The following PRKN variants were observed in gnomAD, a reference collection of about 807,000 sequenced individuals.
PRKN encodes the protein parkin RBR E3 ubiquitin protein ligase, also known as E3 ubiquitin-protein ligase parkin.
Under a neutral mutation model 59.5 loss-of-function variants are expected in PRKN, and 56 were observed. The ratio of observed to expected loss-of-function variants is 0.94; its 90% CI spans 0.76 to 1.18. The LOEUF is 1.18. Ranked by LOEUF, PRKN falls within the 50% of genes most tolerant of loss-of-function variation. The pLI, the probability that PRKN is intolerant of heterozygous loss-of-function variation, is 0.00. For missense variants in PRKN, 657 were observed against 596.4 expected, an observed-to-expected ratio of 1.10 and a Z score of -1.06; for synonymous variants, 250 against 222.1, an observed-to-expected ratio of 1.13 and a Z score of -1.12.
rs190384788 is a variant in PRKN, at chr6:162,114,840, A to G, written c.535-60666T>C. Among the ~76,000 whole-genome samples the G allele has an allele frequency of 4.1e-4, 62 of 152,170 alleles. 3 individuals are homozygous for G. The highest frequency in any genetic ancestry group is 1.5e-3 in the African/African-American group (61 of 41,460). ...GAACGGCAATCATTAAAAAGTCAAGAAACAACAGGTGCTGGAGAGGATGTG... is the reference window on the plus strand; with the variant it reads ...GAACGGCAATCATTAAAAAGTCAAGGAACAACAGGTGCTGGAGAGGATGTG... On this transcript the variant is annotated intron_variant, in intron 4 of 11. Transcript: ENST00000366898.
intron 9 of PRKN, among the ~76,000 whole-genome samples, chr6:161,524,520 T>A (rs1778950006): frequency 6.6e-6 from 1 of 152,088 alleles, no homozygotes; most frequent in Non-Finnish European, 1.5e-5. Context: ...TAATTTTTTT[T>A]AGTATATTTG....
At chr6:161,857,856 A>G (rs1283323753) in intron 6 of PRKN, among the ~76,000 whole-genome samples, 1 of 152,210 alleles carries the variant, frequency 6.6e-6, no homozygotes, top group African/African-American at 2.4e-5. Context: ...AGGAAGACAC[A>G]ACTTCATGGA....
At chr6:162,156,003 A>G (rs1782496898) in intron 4 of PRKN, among the ~76,000 whole-genome samples, 1 of 152,202 alleles carries the variant, frequency 6.6e-6, no homozygotes, top group African/African-American at 2.4e-5. Flanking sequence ...GACAAAATTC[A>G]GGGAAGGAAT....
At chr6:162,627,303 T>C (rs1433088789) in intron 1 of PRKN, among the ~76,000 whole-genome samples, 1 of 152,198 alleles carries the variant, frequency 6.6e-6, no homozygotes, top group Non-Finnish European at 1.5e-5. Context: ...TCACCCAGAA[T>C]AGAGGGCATT....
At chr6:161,638,316 G>T (rs1783606114) in intron 7 of PRKN, among the ~76,000 whole-genome samples, 1 of 152,014 alleles carries the variant, frequency 6.6e-6, no homozygotes, top group Admixed American at 6.6e-5. Context: ...TTGTGTTTCA[G>T]TAGAGATGGG....
At chr6:162,246,848 T>C (rs1779219251) in intron 3 of PRKN, among the ~76,000 whole-genome samples, 2 of 152,146 alleles carry the variant, frequency 1.3e-5, no homozygotes, top group African/African-American at 2.4e-5. Flanking sequence ...CTAAATAGAA[T>C]AATAATTCTG....
chr6:161,798,398 A>C (rs1790940958), intron 6 of PRKN, among the ~76,000 whole-genome samples: 1 of 152,172 alleles, frequency 6.6e-6, no homozygotes, highest in African/African-American at 2.4e-5. Flanking sequence ...TCAGAATCCC[A>C]TTTCTGTGAA....
chr6:162,393,912 A>C (rs1787346062), intron 2 of PRKN, among the ~76,000 whole-genome samples: 2 of 152,320 alleles, frequency 1.3e-5, no homozygotes, highest in South Asian at 4.1e-4. Context: ...TGCTCACTAA[A>C]CCATATTATT....
chr6:161,786,017 G>A, intron 6 of PRKN, 109 bp from the exon 7 acceptor site: 1 of 1,100,406 alleles, frequency 9.1e-7, no homozygotes, highest in Non-Finnish European at 1.4e-6. Flanking sequence ...ACTGTGCTCT[G>A]TGCAAAGACC....
At position 161,357,912 on chromosome 6, in the gene PRKN, T is replaced by C. The variant is rs530769468; in HGVS notation, c.1285+2176A>G. ...GGAAGTCCCATTGAAACCCATCTTATGAACGAGCAAACTGGTGCTCACACA... is the reference window on the plus strand; with the variant it reads ...GGAAGTCCCATTGAAACCCATCTTACGAACGAGCAAACTGGTGCTCACACA... On this transcript the variant is annotated intron_variant, in intron 11 of 11. Coordinates refer to ENST00000366898, the MANE Select transcript of PRKN (RefSeq NM_004562.3). This position sits in a 1 kb window ranked among gnomAD's most constrained non-coding sequence, Gnocchi z 5.5. 2.0e-5 allele frequency among the ~76,000 whole-genome samples: 3 copies of C among 152,360 alleles called. No homozygotes were observed. The highest frequency in any genetic ancestry group is 2.4e-5 in the African/African-American group (1 of 41,588).
intron 6 of PRKN, among the ~76,000 whole-genome samples, chr6:161,945,690 T>A (rs1264672850): frequency 3.3e-5 from 5 of 152,210 alleles, no homozygotes; most frequent in Admixed American, 6.5e-5. Flanking sequence ...TTCTTCACCA[T>A]CACTGATAAT....
chr6:162,706,927 CTCTTT>C (rs1250707045), intron 1 of PRKN, among the ~76,000 whole-genome samples: 2 of 152,166 alleles, frequency 1.3e-5, no homozygotes, highest in South Asian at 2.1e-4. Context: ...AAAACAACTT[CTCTTT>C]TGTTTGGCTA....
intron 1 of PRKN, among the ~76,000 whole-genome samples, chr6:162,549,402 T>A (rs935423766): frequency 3.3e-5 from 5 of 152,230 alleles, no homozygotes; most frequent in African/African-American, 1.2e-4. Context: ...GTTCTGCTAT[T>A]GGTTATCATT....
intron 6 of PRKN, among the ~76,000 whole-genome samples, chr6:161,797,821 T>A (rs1790913477): frequency 6.6e-6 from 1 of 152,246 alleles, no homozygotes. Flanking sequence ...TTGCTTGTTT[T>A]ACGTGTATCC....
rs534597832 is a variant in PRKN at position 162,149,303 on chromosome 6, G to A, written c.534+51828C>T. 3.9e-4 allele frequency among the ~76,000 whole-genome samples: 60 copies of A among 152,108 alleles called. 1 individual carries two copies. Among genetic ancestry groups the A allele is most frequent in the Middle Eastern group, 3.4e-3 (1 of 294 alleles). On this transcript the variant is annotated intron_variant, in intron 4 of 11. Coordinates refer to ENST00000366898, the MANE Select transcript of PRKN (RefSeq NM_004562.3). ...TCTGTCACCCAGGCTGGAGTGCAGT[G>A]GCACAATCTCTGCTCATTGCAATCT... is the stretch of plus-strand genomic sequence containing the variant.
intron 7 of PRKN, among the ~76,000 whole-genome samples, chr6:161,741,474 AAAG>A (rs1260158802): frequency 6.6e-6 from 1 of 152,142 alleles, no homozygotes; most frequent in Non-Finnish European, 1.5e-5. Context: ...ATCTTGTGGC[AAAG>A]TCTCCCTGGG....
chr6:162,117,350 G>A (rs1780717299), intron 4 of PRKN, among the ~76,000 whole-genome samples: 1 of 152,238 alleles, frequency 6.6e-6, no homozygotes, highest in Non-Finnish European at 1.5e-5. Context: ...CTAGGCGTAG[G>A]CTTTCGCCGA....
chr6:162,471,313 G>A (rs1283244026), intron 1 of PRKN, among the ~76,000 whole-genome samples: 1 of 151,854 alleles, frequency 6.6e-6, no homozygotes, highest in Non-Finnish European at 1.5e-5. Context: ...GGCCAGGCTG[G>A]TCTCGAACTC....
At chr6:162,645,467 A>G (rs1778131665) in intron 1 of PRKN, among the ~76,000 whole-genome samples, 2 of 152,328 alleles carry the variant, frequency 1.3e-5, no homozygotes, top group South Asian at 4.1e-4. Context: ...AAAGAGGTCA[A>G]TTGCAGCTCT....
Sources: gnomAD v4.1 joint callset for allele counts (sites outside exome capture counted in the v4.1 genomes callset) on GRCh38, gnomAD v4.1.1 for gene constraint, Gnocchi (gnomAD v3.1) non-coding constraint, MANE v1.5 for transcripts, NCBI Gene and HGNC (gene_info 2026-07-23, HGNC 2026-07-21) for gene names.